The following GRIK3 variants were observed in gnomAD, a reference collection of about 807,000 sequenced individuals.
The protein encoded by GRIK3 is glutamate receptor ionotropic, kainate 3.
GRIK3 carries 29 observed loss-of-function variants against 102.5 expected under a neutral mutation model. That is an observed-to-expected ratio of 0.28 (90% CI 0.21 to 0.39). The LOEUF (loss-of-function observed/expected upper bound fraction) is 0.39, where lower values mean the gene tolerates loss of function less well. Ranked by LOEUF, GRIK3 falls within the 10% of genes least tolerant of loss-of-function variation. The pLI is 1.00. For missense variants in GRIK3, 908 were observed against 1,252.4 expected (o/e 0.73, Z 4.15); for synonymous variants, 511 against 504.9 (o/e 1.01, Z -0.16).
chr1:36,806,944 C>G lies in GRIK3; in HGVS notation c.2092-618G>C, dbSNP rs1642508276. 6.6e-6 allele frequency among the ~76,000 whole-genome samples: 1 copy of G among 152,144 alleles called. No individual in the cohort carries two copies. The highest frequency in any genetic ancestry group is 1.5e-5 in the Non-Finnish European group (1 of 68,018). ...CAAAGCTGAGTGGGTCCTGGGCCTC[C>G]CCTTTCACTTCAACCAATGGAGGCC... On this transcript the variant is annotated intron_variant, in intron 13 of 15. Transcript: ENST00000373091. This position sits in a 1 kb window ranked among gnomAD's most constrained non-coding sequence, Gnocchi z 4.0.
chr1:37,030,091 A>G (rs1642803998), intron 1 of GRIK3, among the ~76,000 whole-genome samples: 1 of 152,256 alleles, frequency 6.6e-6, no homozygotes, highest in African/African-American at 2.4e-5. Flanking sequence ...GGCTAACAGC[A>G]GCAGCTGGGC....
intron 1 of GRIK3, among the ~76,000 whole-genome samples, chr1:36,963,864 A>C (rs915210944): frequency 1.3e-5 from 2 of 152,246 alleles, no homozygotes; most frequent in Non-Finnish European, 2.9e-5. Flanking sequence ...AAAGCAGGCA[A>C]TGCATGGAAC....
chr1:36,959,041 G>A lies in GRIK3; in HGVS notation c.116-67945C>T, dbSNP rs528739927. 1.2e-3 allele frequency among the ~76,000 whole-genome samples: 139 copies of A among 119,542 alleles called. 13 individuals carry two copies. The highest frequency in any genetic ancestry group is 3.9e-3 in the African/African-American group (136 of 35,232). The allele number at this position is 119,542 out of a possible 152,430, so 78.4% of individuals were successfully genotyped here. ...TGCCCCATGAGCCTGTGTGCCCTGT[G>A]AGTCTGTGTGCCCTGTGAGCCTGCA... On this transcript the variant is annotated intron_variant, in intron 1 of 15. Coordinates refer to ENST00000373091, the MANE Select transcript of GRIK3 (RefSeq NM_000831.4).
At chr1:36,936,189 T>C (rs1163075865) in intron 1 of GRIK3, among the ~76,000 whole-genome samples, 1 of 151,960 alleles carries the variant, frequency 6.6e-6, no homozygotes, top group Admixed American at 6.6e-5. Flanking sequence ...CTGAGATGGG[T>C]GAAGAAAATA....
intron 1 of GRIK3, among the ~76,000 whole-genome samples, chr1:36,957,015 C>T (rs1186842648): frequency 6.6e-6 from 1 of 152,270 alleles, no homozygotes; most frequent in East Asian, 1.9e-4. Context: ...AGGAGCAAGA[C>T]CCCCTCTGCT....
chr1:36,813,018 T>C (rs778517603), intron 13 of GRIK3, among the ~76,000 whole-genome samples: 2 of 152,190 alleles, frequency 1.3e-5, no homozygotes, highest in Non-Finnish European at 2.9e-5. Flanking sequence ...CAGGGCTGGG[T>C]ATGTGGTCAA....
chr1:36,957,887 A>G (rs1641941527), intron 1 of GRIK3, among the ~76,000 whole-genome samples: 3 of 67,822 alleles, frequency 4.4e-5, no homozygotes, highest in Admixed American at 1.9e-4. Flanking sequence ...TGTGCCCCTG[A>G]GTCTGTGTGC....
At chr1:36,877,050 C>T (rs1375443570) in intron 3 of GRIK3, among the ~76,000 whole-genome samples, 3 of 152,200 alleles carry the variant, frequency 2.0e-5, no homozygotes, top group South Asian at 2.1e-4. Flanking sequence ...CCAGTGATCA[C>T]AGGTAATTCC....
In GRIK3 at chr1:36,819,862, A is replaced by C. The variant is rs760728727; in HGVS notation, c.1755-8T>G. On this transcript the variant is annotated splice_polypyrimidine_tract_variant and splice_region_variant and intron_variant, in intron 11 of 15. Transcript: ENST00000373091. This position sits in a 1 kb window ranked among gnomAD's most constrained non-coding sequence, Gnocchi z 4.1. ...CACTCATAAGGGCTGAACCTGCCAC[A>C]GGAGGAGAGGGACAGTCAGCCTGGG... 9.1e-6 allele frequency: 13 copies of C among 1,424,492 alleles called. No homozygotes were observed. The highest frequency in any genetic ancestry group is 1.3e-5 in the Non-Finnish European group (13 of 1,018,120). 88.2% of individuals were successfully genotyped at this position (1,424,492 alleles called of 1,614,324 possible).
rs1011443004 is a variant in GRIK3 at position 36,872,837 on chromosome 1, C to T, written c.551-468G>A. ...CATTGTGAGACATGGGACATGATTT[C>T]CCTCAACATCTCCAGCGAGCTGCTT... On this transcript the variant is annotated intron_variant, in intron 3 of 15. Coordinates refer to ENST00000373091, the MANE Select transcript of GRIK3 (RefSeq NM_000831.4). This position sits in a 1 kb window ranked among gnomAD's most constrained non-coding sequence, Gnocchi z 5.9. Among the ~76,000 whole-genome samples, 2 of 152,194 alleles carry T rather than the reference C, an allele frequency of 1.3e-5. No individual in the cohort carries two copies. The highest frequency in any genetic ancestry group is 2.9e-5 in the Non-Finnish European group (2 of 68,044).
At chr1:37,004,405 G>A (rs1363138048) in intron 1 of GRIK3, among the ~76,000 whole-genome samples, 1 of 152,202 alleles carries the variant, frequency 6.6e-6, no homozygotes, top group Admixed American at 6.5e-5. Flanking sequence ...CCCTCTGAGA[G>A]CTAAGTGACC....
At chr1:37,032,391 C>A (rs1369253613) in intron 1 of GRIK3, among the ~76,000 whole-genome samples, 1 of 152,044 alleles carries the variant, frequency 6.6e-6, no homozygotes, top group Non-Finnish European at 1.5e-5. Context: ...CCCTCTCAGT[C>A]CCCCCACCTT....
chr1:36,872,447 G>A lies in GRIK3; in HGVS notation c.551-78C>T. 1.7e-6 allele frequency: 2 copies of A among 1,167,804 alleles called. No individual in the cohort carries two copies. The highest frequency in any genetic ancestry group is 1.5e-5 in the South Asian group (1 of 65,148). 72.3% of individuals were successfully genotyped at this position (1,167,804 alleles called of 1,614,324 possible). On this transcript the variant is annotated intron_variant, in intron 3 of 15. Coordinates refer to ENST00000373091, the MANE Select transcript of GRIK3 (RefSeq NM_000831.4). The surrounding 1 kb of genome is among the most constrained non-coding windows in gnomAD (Gnocchi z 5.9). ...TCCAGGCATCCACTTGGACTTGTGT[G>A]CACACACATGCCCATGGCCACAGGT...
chr1:36,936,309 G>A (rs1641656885), intron 1 of GRIK3, among the ~76,000 whole-genome samples: 2 of 152,326 alleles, frequency 1.3e-5, no homozygotes, highest in South Asian at 4.1e-4. Context: ...GGTTTCATGA[G>A]GTGGAAGAGT....
intron 2 of GRIK3, among the ~76,000 whole-genome samples, chr1:36,887,298 A>G (rs1455887873): frequency 6.6e-6 from 1 of 152,222 alleles, no homozygotes; most frequent in Non-Finnish European, 1.5e-5. Flanking sequence ...CTCAAACAAC[A>G]CAAAATACAT....
intron 1 of GRIK3, among the ~76,000 whole-genome samples, chr1:36,899,311 C>G (rs1418776067): frequency 2.6e-5 from 4 of 152,012 alleles, no homozygotes; most frequent in Admixed American, 2.0e-4. Flanking sequence ...GAACATATTC[C>G]AGAACAATTA....
At position 36,872,396 on chromosome 1, in the gene GRIK3, A is replaced by G. The variant is rs1163216627; in HGVS notation, c.551-27T>C. 6.5e-7 allele frequency: 1 copy of G among 1,536,824 alleles called. No individual in the cohort carries two copies. The highest frequency in any genetic ancestry group is 8.8e-7 in the Non-Finnish European group (1 of 1,132,158). On this transcript the variant is annotated intron_variant, in intron 3 of 15. Coordinates refer to ENST00000373091, the MANE Select transcript of GRIK3 (RefSeq NM_000831.4). The surrounding 1 kb of genome is among the most constrained non-coding windows in gnomAD (Gnocchi z 5.9). ...TGAGGGGCCATGGAGCACAAAAGAC[A>G]CACGTGTACCACATGTATCCACAGC...
chr1:37,033,215 C>G (rs953424216), intron 1 of GRIK3, among the ~76,000 whole-genome samples: 1 of 152,204 alleles, frequency 6.6e-6, no homozygotes, highest in East Asian at 1.9e-4. Flanking sequence ...GCCGGAGCCC[C>G]GGAAAGCCGC....
intron 1 of GRIK3, among the ~76,000 whole-genome samples, chr1:36,908,904 G>T: frequency 6.6e-6 from 1 of 152,034 alleles, no homozygotes; most frequent in Admixed American, 6.6e-5. Context: ...TTGTGTGGAA[G>T]CCCAACGGGT....
Sources: allele counts gnomAD v4.1 joint callset (sites outside exome capture counted in the v4.1 genomes callset), GRCh38; gene constraint gnomAD v4.1.1; non-coding constraint Gnocchi (gnomAD v3.1); transcripts MANE v1.5; gene names NCBI Gene and HGNC (gene_info 2026-07-23, HGNC 2026-07-21).